Variants in NOM1 observed in about 807,000 individuals in gnomAD.
NOM1 encodes the protein nucleolar protein with MIF4G domain 1.
In NOM1, 58 loss-of-function variants were observed where a neutral mutation model predicts 73.3. The observed-to-expected ratio is 0.79, with a 90% CI of 0.64 to 0.99. The LOEUF is 0.99. Among genes scored for constraint, NOM1 ranks in the 50% least tolerant of loss-of-function variants. The pLI, the probability that NOM1 is intolerant of heterozygous loss-of-function variation, is 0.00. For missense variants in NOM1, 1,226 were observed against 1,131.9 expected (o/e 1.08, Z -1.19); for synonymous variants, 487 against 446.8 (o/e 1.09, Z -1.14).
intron 4 of NOM1, among the ~76,000 whole-genome samples, chr7:156,961,223 A>G (rs1804856744): frequency 6.6e-6 from 1 of 152,056 alleles, no homozygotes; most frequent in African/African-American, 2.4e-5. Context: ...GGAAATGAGG[A>G]TGGTCCCAGG....
Position 156,959,848 on chromosome 7 carries a change from C to G in NOM1, c.1309-3C>G. ...TAATCTTTTTTCTGTGTGGTTCTTT[C>G]AGGTCGGTGCCCACTTTCTGGAGGC... On this transcript the variant is annotated splice_region_variant and splice_polypyrimidine_tract_variant and intron_variant, in intron 3 of 10. Coordinates refer to ENST00000275820, the MANE Select transcript of NOM1 (RefSeq NM_138400.2). 6.2e-7 allele frequency: 1 copy of G among 1,613,468 alleles called. No homozygotes were observed. Among genetic ancestry groups the G allele is most frequent in the African/African-American group, 1.3e-5 (1 of 74,990 alleles).
chr7:156,968,269 G>A (rs529100529), intron 9 of NOM1, among the ~76,000 whole-genome samples: 4 of 152,334 alleles, frequency 2.6e-5, no homozygotes, highest in East Asian at 1.9e-4. Flanking sequence ...TGCTACCACC[G>A]ATGAGCGGGA....
chr7:156,953,745 G>A (rs1804651899), intron 2 of NOM1, among the ~76,000 whole-genome samples: 1 of 152,138 alleles, frequency 6.6e-6, no homozygotes, highest in Admixed American at 6.6e-5. Context: ...TAAAACGTTA[G>A]CATTTTTTCT....
rs760962130 is a variant in NOM1 at position 156,952,509 on chromosome 7, T to A, written c.1023T>A (p.Pro341=). ...LCGSGEKYIP[P]HVRQAEETVD... ...GAAGTGGTGAAAAGTACATCCCACC[T>A]CATGTGAGGCAAGCTGAGGAGACAG... is the stretch of plus-strand genomic sequence containing the variant. The change falls in exon 2 of 11, where the codon CCT becomes CCA. Residue 341 remains proline (P), a synonymous_variant. Transcript: ENST00000275820. 1.9e-6 allele frequency: 3 copies of A among 1,613,960 alleles called. No homozygotes were observed. Among genetic ancestry groups the A allele is most frequent in the Admixed American group, 3.3e-5 (2 of 59,982 alleles).
In NOM1 at chr7:156,971,691, T is replaced by A. The variant is rs1482108116; in HGVS notation, c.*1988T>A. 6.6e-6 allele frequency: 1 copy of A among 152,278 alleles called. No individual in the cohort carries two copies. The highest frequency in any genetic ancestry group is 2.4e-5 in the African/African-American group (1 of 41,478). 9.4% of individuals were successfully genotyped at this position (152,278 alleles called of 1,614,324 possible). A position where few individuals can be genotyped will look rare whatever the true frequency, so the allele number is the denominator to read the frequency against. On this transcript the variant is annotated 3_prime_UTR_variant, in exon 11 of 11. Transcript: ENST00000275820. ...CAGTTTGTGTTTGGAAATCGTGATG[T>A]GAAGTCATCAGTATCTGTGCATATC...
chr7:156,968,006 C>T (rs1005458018), intron 9 of NOM1, among the ~76,000 whole-genome samples: 2 of 152,146 alleles, frequency 1.3e-5, no homozygotes, highest in African/African-American at 4.8e-5. Context: ...ACAAGACAGC[C>T]GCAGCCACAG....
At chr7:156,960,984 C>G (rs990209042) in intron 4 of NOM1, among the ~76,000 whole-genome samples, 1 of 152,016 alleles carries the variant, frequency 6.6e-6, no homozygotes, top group African/African-American at 2.4e-5. Context: ...CACAGGGGAC[C>G]GTGCAGGAGG....
chr7:156,969,230 A>G, intron 10 of NOM1, 34 bp downstream of exon 10: 2 of 1,046,734 alleles, frequency 1.9e-6, no homozygotes, highest in South Asian at 1.3e-5. Flanking sequence ...GAGACATGGA[A>G]GAGAAATGAA....
chr7:156,955,574 C>CT (rs905995882), intron 3 of NOM1, among the ~76,000 whole-genome samples: 2 of 152,190 alleles, frequency 1.3e-5, no homozygotes, highest in African/African-American at 4.8e-5. Context: ...CCCTAAAAGT[C>CT]TAATTACCTG....
intron 3 of NOM1, among the ~76,000 whole-genome samples, chr7:156,955,603 T>G (rs1429527258): frequency 1.3e-5 from 2 of 152,206 alleles, no homozygotes; most frequent in South Asian, 2.1e-4. Context: ...TTATATACTT[T>G]CGTCTCCTCC....
At chr7:156,953,951 TA>T (rs1804655815) in intron 2 of NOM1, 151 bp from the exon 3 acceptor site, 1 of 615,406 alleles carries the variant, frequency 1.6e-6, no homozygotes, top group Non-Finnish European at 2.8e-6. Context: ...TATGCTGGGT[TA>T]TTGGGGCAAG....
chr7:156,973,130 CTT>C lies in NOM1; in HGVS notation c.*3429_*3430del, dbSNP rs1246074979. On this transcript the variant is annotated 3_prime_UTR_variant, in exon 11 of 11. Coordinates refer to ENST00000275820, the MANE Select transcript of NOM1 (RefSeq NM_138400.2). ...CATTTTTAAAGGTATAAGGAACAAA[CTT>C]TAATGTATTGAAATGCATAAATAAA... 2 of 152,110 alleles carry C rather than the reference CTT, an allele frequency of 1.3e-5. No homozygotes were observed. Among genetic ancestry groups the C allele is most frequent in the Non-Finnish European group, 2.9e-5 (2 of 68,026 alleles). The allele number at this position is 152,110 out of a possible 1,614,324, so 9.4% of individuals were successfully genotyped here. A position where few individuals can be genotyped will look rare whatever the true frequency, so the allele number is the denominator to read the frequency against.
intron 3 of NOM1, among the ~76,000 whole-genome samples, chr7:156,957,047 A>T (rs10949616): frequency 0.78 from 118,389 of 152,116 alleles, 46,148 homozygotes; most frequent in Admixed American, 0.85. Context: ...AACATGAGAT[A>T]ATTGGGCCTA....
chr7:156,964,883 A>C (rs573391758), intron 7 of NOM1, among the ~76,000 whole-genome samples: 28 of 152,334 alleles, frequency 1.8e-4, no homozygotes, highest in Non-Finnish European at 3.1e-4. Flanking sequence ...CTTATTCTCT[A>C]GTCAGCGGGT....
intron 7 of NOM1, among the ~76,000 whole-genome samples, chr7:156,965,511 G>A (rs567862242): frequency 6.6e-6 from 1 of 152,366 alleles, no homozygotes; most frequent in South Asian, 2.1e-4. Context: ...ACGGGTGATG[G>A]AGAGTTCTGT....
chr7:156,960,968 C>G (rs1804849692), intron 4 of NOM1, among the ~76,000 whole-genome samples: 1 of 152,116 alleles, frequency 6.6e-6, no homozygotes, highest in Non-Finnish European at 1.5e-5. Context: ...GGTCACCCAT[C>G]AGGGGCACAG....
rs1804818760 is a variant in NOM1 at position 156,959,855 on chromosome 7, G to A, written c.1313G>A (p.Gly438Asp). 6.2e-7 allele frequency: 1 copy of A among 1,613,882 alleles called. No homozygotes were observed. The highest frequency in any genetic ancestry group is 8.5e-7 in the Non-Finnish European group (1 of 1,179,814). ...ILHHTVGIEV[G>D]AHFLEAVVRK... ...TTTTCTGTGTGGTTCTTTCAGGTCG[G>A]TGCCCACTTTCTGGAGGCAGTGGTG... Residue 438 changes from glycine (G) to aspartate (D), a missense_variant, in exon 4 of 11, where the codon GGT (glycine) becomes GAT (aspartate). Gly to Asp is a moderately conservative substitution (Grantham distance 94). Transcript: ENST00000275820.
chr7:156,955,648 G>C lies in NOM1; in HGVS notation c.1308+1350G>C, dbSNP rs191789256. 1.9e-4 allele frequency among the ~76,000 whole-genome samples: 29 copies of C among 152,260 alleles called. No homozygotes were observed. The East Asian group carries it at 5.4e-3, about 28-fold the overall frequency. ...ATCCTAAAGTGTCCCGGTGAGATCA[G>C]GGCAGACCTTTACTGAAGCTTGCTT... is the stretch of plus-strand genomic sequence containing the variant. On this transcript the variant is annotated intron_variant, in intron 3 of 10. Transcript: ENST00000275820.
chr7:156,968,779 G>A (rs1474313970), intron 9 of NOM1: 2 of 162,592 alleles, frequency 1.2e-5, no homozygotes, highest in Non-Finnish European at 2.5e-5. Flanking sequence ...GGTAATTTAT[G>A]GTTCAGTTCT....
Sources: gnomAD v4.1 joint callset for allele counts (sites outside exome capture counted in the v4.1 genomes callset) on GRCh38, gnomAD v4.1.1 for gene constraint, MANE v1.5 for transcripts, NCBI Gene and HGNC (gene_info 2026-07-23, HGNC 2026-07-21) for gene names.